MYO16: variants seen among roughly 807,000 people sequenced by gnomAD.
The protein encoded by MYO16 is unconventional myosin-XVI.
Under a neutral mutation model 205.3 loss-of-function variants are expected in MYO16, and 94 were observed. The ratio of observed to expected loss-of-function variants is 0.46; its 90% confidence interval spans 0.39 to 0.54. The LOEUF (loss-of-function observed/expected upper bound fraction) is 0.54, where lower values mean the gene tolerates loss of function less well. MYO16 is among the 20% of genes least tolerant of loss of function. The probability of loss-of-function intolerance (pLI) is 0.00; values close to 1 mark genes in which losing one functional copy is unlikely to be tolerated. For missense variants in MYO16, 2,315 were observed against 2,387.5 expected, an observed-to-expected ratio of 0.97 and a Z score of 0.63; for synonymous variants, 988 against 954.0, an observed-to-expected ratio of 1.04 and a Z score of -0.66.
intron 27 of MYO16, among the ~76,000 whole-genome samples, chr13:109,070,193 G>A (rs1229377458): frequency 2.0e-5 from 3 of 152,244 alleles, no homozygotes; most frequent in East Asian, 1.9e-4. Flanking sequence ...TCCTGACAAA[G>A]CAGGACATAC....
chr13:108,554,834 A>G, the MYO16 span, among the ~76,000 whole-genome samples: 1 of 133,810 alleles, frequency 7.5e-6, no homozygotes, highest in African/African-American at 2.8e-5. Flanking sequence ...TGGGCGACAG[A>G]GAGAGACTCT....
chr13:108,786,856 C>G (rs1030493560), intron 5 of MYO16, among the ~76,000 whole-genome samples: 1 of 152,164 alleles, frequency 6.6e-6, no homozygotes, highest in Non-Finnish European at 1.5e-5. Flanking sequence ...GCAGCTCAGT[C>G]GTGCCTGGGC....
At chr13:108,600,064 A>T (rs1346196906) in intron 1 of MYO16, among the ~76,000 whole-genome samples, 1 of 152,188 alleles carries the variant, frequency 6.6e-6, no homozygotes, top group Non-Finnish European at 1.5e-5. Context: ...GCTGAAAAAA[A>T]GTCAGCAGTA....
upstream of MYO16, among the ~76,000 whole-genome samples, chr13:108,592,146 G>T: frequency 7.9e-6 from 1 of 126,724 alleles, no homozygotes. Flanking sequence ...GGAGGGCTGT[G>T]TGTGGAGTGT....
At chr13:108,672,686 G>T (rs922452426) in intron 2 of MYO16, among the ~76,000 whole-genome samples, 1 of 152,144 alleles carries the variant, frequency 6.6e-6, no homozygotes, top group South Asian at 2.1e-4. Context: ...CCTCTAAAAG[G>T]AAAACTGTCC....
chr13:108,923,808 T>C (rs1329443464), intron 16 of MYO16, among the ~76,000 whole-genome samples: 2 of 152,224 alleles, frequency 1.3e-5, no homozygotes, highest in Admixed American at 1.3e-4. Flanking sequence ...CGTGACTTCA[T>C]AGTAAACCTC....
At chr13:108,765,473 C>T (rs911110832) in intron 4 of MYO16, among the ~76,000 whole-genome samples, 1 of 152,090 alleles carries the variant, frequency 6.6e-6, no homozygotes, top group Non-Finnish European at 1.5e-5. Flanking sequence ...TTCAGTGCTT[C>T]CCTTCTGAAT....
chr13:109,075,879 G>A (rs923963370), intron 27 of MYO16, among the ~76,000 whole-genome samples: 4 of 152,168 alleles, frequency 2.6e-5, no homozygotes, highest in Non-Finnish European at 1.5e-5. Flanking sequence ...AGACTGTGCA[G>A]AATTGGTATT....
chr13:108,498,311 C>G, the MYO16 span, among the ~76,000 whole-genome samples: 49,783 of 151,920 alleles, frequency 0.33, 8,368 homozygotes, highest in Middle Eastern at 0.48. Flanking sequence ...GTCCAGAAGA[C>G]TTAGGTAATT....
chr13:108,712,931 C>T (rs1883780758), intron 3 of MYO16, among the ~76,000 whole-genome samples, 200 bp downstream of exon 3: 1 of 152,164 alleles, frequency 6.6e-6, no homozygotes, highest in African/African-American at 2.4e-5. Flanking sequence ...AGAGTTTCTA[C>T]CCTAAAGAAA....
chr13:108,737,050 G>A (rs903042417), intron 4 of MYO16, among the ~76,000 whole-genome samples: 9 of 152,080 alleles, frequency 5.9e-5, no homozygotes, highest in African/African-American at 2.2e-4. Flanking sequence ...GAGACAATGG[G>A]GTTTTCTAGA....
intron 1 of MYO16, among the ~76,000 whole-genome samples, chr13:108,656,850 A>T (rs1161177802): frequency 6.6e-6 from 1 of 152,206 alleles, no homozygotes; most frequent in African/African-American, 2.4e-5. Flanking sequence ...GTGAATAATA[A>T]CCAATAAATC....
At chr13:109,007,375 G>C (rs889801642) in intron 21 of MYO16, among the ~76,000 whole-genome samples, 2 of 150,804 alleles carry the variant, frequency 1.3e-5, no homozygotes, top group Non-Finnish European at 3.0e-5. Flanking sequence ...GCGACAGGGC[G>C]AGACTCCGTC....
chr13:108,643,084 G>A (rs1466125888), intron 1 of MYO16, among the ~76,000 whole-genome samples: 1 of 152,152 alleles, frequency 6.6e-6, no homozygotes, highest in Non-Finnish European at 1.5e-5. Flanking sequence ...GACCCACCAT[G>A]TAAGGGACCC....
chr13:108,841,657 A>G (rs1226717649), intron 9 of MYO16, among the ~76,000 whole-genome samples: 1 of 152,002 alleles, frequency 6.6e-6, no homozygotes, highest in Non-Finnish European at 1.5e-5. Context: ...GAATATATAA[A>G]GTCAATAATC....
intron 1 of MYO16, among the ~76,000 whole-genome samples, chr13:108,641,581 GA>G (rs1364922135): frequency 5.3e-5 from 8 of 152,044 alleles, no homozygotes; most frequent in African/African-American, 1.4e-4. Context: ...ATTATTGGGG[GA>G]AAAATGCCAT....
chr13:108,973,970 T>G (rs1356928761), intron 20 of MYO16, among the ~76,000 whole-genome samples: 1 of 152,174 alleles, frequency 6.6e-6, no homozygotes, highest in African/African-American at 2.4e-5. Flanking sequence ...AGTGGCATTT[T>G]GGATAATCCA....
At position 108,883,152 on chromosome 13, in the gene MYO16, T is replaced by C. The variant is rs1879701437; in HGVS notation, c.1519T>C (p.Phe507Leu). ...SCVERAFHQL[F>L]REQRPQCFIL... ...TGTGGAGAGAGCCTTTCACCAGCTC[T>C]TCCGGGAACAGCGGCCTCAGTGTTT... is the stretch of plus-strand genomic sequence containing the variant. Residue 507 changes from phenylalanine (F) to leucine (L), a missense_variant, in exon 13 of 35, where the codon TTC becomes CTC. Phe to Leu is a conservative substitution (Grantham distance 22). Around this residue, in one of 3 missense-constraint regions of MYO16, gnomAD observed 1,213 missense variants for 1,274.4 expected, o/e 0.95. Coordinates refer to ENST00000457511, the MANE Select transcript of MYO16 (RefSeq NM_001198950.3). 1.9e-6 allele frequency: 3 copies of C among 1,613,842 alleles called. No homozygotes were observed. Among genetic ancestry groups the C allele is most frequent in the Non-Finnish European group, 2.5e-6 (3 of 1,179,902 alleles).
intron 27 of MYO16, among the ~76,000 whole-genome samples, chr13:109,073,333 G>A (rs1013307360): frequency 6.6e-6 from 1 of 150,940 alleles, no homozygotes; most frequent in Non-Finnish European, 1.5e-5. Context: ...GGTTGGTCTC[G>A]AACTCCTGAC....
Sources: allele counts gnomAD v4.1 joint callset (sites outside exome capture counted in the v4.1 genomes callset), GRCh38; gene constraint gnomAD v4.1.1; regional missense constraint gnomAD v4.1.1; transcripts MANE v1.5; gene names NCBI Gene and HGNC (gene_info 2026-07-23, HGNC 2026-07-21).